COL23A1: variants seen among roughly 807,000 people sequenced by gnomAD.
COL23A1 encodes the protein collagen alpha-1(XXIII) chain.
COL23A1 carries 97 observed loss-of-function variants against 99.3 expected under a neutral mutation model. The observed-to-expected ratio is 0.98, with a 90% CI of 0.83 to 1.16. The LOEUF (loss-of-function observed/expected upper bound fraction) is 1.16, where lower values mean the gene tolerates loss of function less well. Among genes scored for constraint, COL23A1 ranks in the 50% most tolerant of loss-of-function variants. The pLI, the probability that COL23A1 is intolerant of heterozygous loss-of-function variation, is 0.00. For synonymous variants in COL23A1, 320 were observed against 308.2 expected, an observed-to-expected ratio of 1.04 and a Z score of -0.40; for missense variants, 762 against 757.4, an observed-to-expected ratio of 1.01 and a Z score of -0.07.
intron 5 of COL23A1, among the ~76,000 whole-genome samples, chr5:178,278,149 G>A (rs944165171): frequency 1.3e-5 from 2 of 152,230 alleles, no homozygotes; most frequent in African/African-American, 4.8e-5. Context: ...CCACGAGGCA[G>A]TCTAGAGGGA....
rs555426586 is a variant in COL23A1, at chr5:178,403,933, C to T, written c.362-97014G>A. Reference sequence around the variant, plus strand: ...GAAGCCACAGGCTTGTCCAGCTTCTCGTAACAAAAGCCTCAAAAGAATGAC... The same window carrying T: ...GAAGCCACAGGCTTGTCCAGCTTCTTGTAACAAAAGCCTCAAAAGAATGAC... On this transcript the variant is annotated intron_variant, in intron 2 of 28. Transcript: ENST00000390654. Among the ~76,000 whole-genome samples the T allele has an allele frequency of 1.8e-4, 27 of 152,304 alleles. No homozygotes were observed. The East Asian group carries it at 4.3e-3, about 24-fold the overall frequency.
Position 178,455,235 on chromosome 5 carries a change from C to T in COL23A1, c.361+105447G>A, listed in dbSNP as rs922145983. ...ACTGAGCAGTCGCTGACTGGGTCAC[C>T]GATGAAGGCGTGAAAAGTCACGCAC... On this transcript the variant is annotated intron_variant, in intron 2 of 28. Transcript: ENST00000390654. Among the ~76,000 whole-genome samples, 14 of 152,328 alleles carry T rather than the reference C, an allele frequency of 9.2e-5. No individual in the cohort carries two copies. The East Asian group carries it at 1.5e-3, about 17-fold the overall frequency.
intron 2 of COL23A1, among the ~76,000 whole-genome samples, chr5:178,376,473 G>A (rs80010539): frequency 2.4e-4 from 36 of 152,304 alleles, no homozygotes; most frequent in African/African-American, 8.7e-4. Context: ...GCCTGGTGCT[G>A]GGGAGACCCC....
intron 4 of COL23A1, among the ~76,000 whole-genome samples, chr5:178,289,697 C>T (rs532734818): frequency 2.6e-5 from 4 of 152,280 alleles, no homozygotes; most frequent in South Asian, 2.1e-4. Context: ...TCAACTGTCA[C>T]GGAGCATTTT....
chr5:178,263,260 C>A lies in COL23A1; in HGVS notation c.587G>T (p.Gly196Val), dbSNP rs1765734343. The A allele has an allele frequency of 1.2e-6, 2 of 1,613,266 alleles. No homozygotes were observed. Among genetic ancestry groups the A allele is most frequent in the African/African-American group, 1.3e-5 (1 of 74,958 alleles). Residue 196 changes from glycine (G) to valine (V), a missense_variant, in exon 9 of 29, where the codon GGC (glycine) becomes GTC (valine). Gly to Val is a moderately radical substitution (Grantham distance 109). Transcript: ENST00000390654. ...ATCTTTCCCAGTGTCGCCAGGAGGGCCCCGGGCCCCAGGAGGTCCAGGGGG... is the reference window on the plus strand; with the variant it reads ...ATCTTTCCCAGTGTCGCCAGGAGGGACCCGGGCCCCAGGAGGTCCAGGGGG... ...PGPPGPPGARGPPGDTGKDGP... is the reference protein window; with the variant it reads ...PGPPGPPGARVPPGDTGKDGP...
chr5:178,312,434 T>C (rs934424474), intron 2 of COL23A1, among the ~76,000 whole-genome samples: 1 of 152,072 alleles, frequency 6.6e-6, no homozygotes, highest in Non-Finnish European at 1.5e-5. Flanking sequence ...AAGGAAACCA[T>C]TTCTAACTCA....
intron 1 of COL23A1, among the ~76,000 whole-genome samples, chr5:178,581,674 A>G (rs1017887389): frequency 2.0e-5 from 3 of 152,178 alleles, no homozygotes; most frequent in African/African-American, 7.2e-5. Flanking sequence ...TTTCCCCTCA[A>G]AACCACTGAC....
intron 2 of COL23A1, among the ~76,000 whole-genome samples, chr5:178,354,110 C>T (rs1366510344): frequency 6.6e-6 from 1 of 152,048 alleles, no homozygotes; most frequent in African/African-American, 2.4e-5. Flanking sequence ...GGGACTTTTC[C>T]CACTGGATAC....
At position 178,247,767 on chromosome 5, in the gene COL23A1, G is replaced by A. The variant is rs760974141; in HGVS notation, c.1269+8C>T. 6.6e-5 allele frequency: 106 copies of A among 1,612,882 alleles called. No homozygotes were observed. Among genetic ancestry groups the A allele is most frequent in the African/African-American group, 3.1e-4 (23 of 74,906 alleles). On this transcript the variant is annotated splice_region_variant and intron_variant, in intron 21 of 28. Transcript: ENST00000390654. ...GCTTCAAACCAAACCAAAGCAAACC[G>A]TCCTTACCATCGGGCCTGGGGGGCC...
intron 2 of COL23A1, among the ~76,000 whole-genome samples, chr5:178,440,306 C>G (rs906390317): frequency 6.6e-6 from 1 of 152,188 alleles, no homozygotes; most frequent in African/African-American, 2.4e-5. Flanking sequence ...CCCCGTGGAA[C>G]TCTCTCCAGG....
At chr5:178,265,196 A>G (rs1251645711) in intron 8 of COL23A1, among the ~76,000 whole-genome samples, 1 of 152,170 alleles carries the variant, frequency 6.6e-6, no homozygotes, top group African/African-American at 2.4e-5. Context: ...TGCTTTCCCA[A>G]TTAAAAAATC....
intron 2 of COL23A1, among the ~76,000 whole-genome samples, chr5:178,353,135 G>C (rs186021750): frequency 6.6e-6 from 1 of 152,190 alleles, no homozygotes; most frequent in East Asian, 1.9e-4. Flanking sequence ...AATAGAAAAA[G>C]ACTGGAAACA....
chr5:178,502,509 G>A (rs190962792), intron 2 of COL23A1, among the ~76,000 whole-genome samples: 1 of 152,148 alleles, frequency 6.6e-6, no homozygotes, highest in Non-Finnish European at 1.5e-5. Context: ...GATCCTCAGT[G>A]TCCTTAGTAA....
Position 178,242,341 on chromosome 5 carries a change from C to T in COL23A1, c.1494G>A (p.Lys498=). The T allele has an allele frequency of 1.2e-6, 2 of 1,613,942 alleles. No homozygotes were observed. Among genetic ancestry groups the T allele is most frequent in the Non-Finnish European group, 1.7e-6 (2 of 1,179,922 alleles). ...EKGDRSERGE[K]GERGVPGRKG... is the part of the protein sequence containing the mutation. Reference sequence around the variant, plus strand: ...CCAGCTCCCGTCCAGCTGCCCTCACCTTCTCTCCACGCTCGCTCCGATCAC... The same window carrying T: ...CCAGCTCCCGTCCAGCTGCCCTCACTTTCTCTCCACGCTCGCTCCGATCAC... Residue 498 remains lysine (K), a splice_region_variant and synonymous_variant, in exon 26 of 29, where the codon AAG becomes AAA. Coordinates refer to ENST00000390654, the MANE Select transcript of COL23A1 (RefSeq NM_173465.4).
intron 2 of COL23A1, among the ~76,000 whole-genome samples, chr5:178,503,882 A>G (rs1189735067): frequency 6.6e-6 from 1 of 152,142 alleles, no homozygotes; most frequent in Admixed American, 6.5e-5. Flanking sequence ...CGGAGCGGGC[A>G]GAGCCCTGGG....
At chr5:178,250,778 T>C (rs1289433772) in intron 17 of COL23A1, among the ~76,000 whole-genome samples, 1 of 122,048 alleles carries the variant, frequency 8.2e-6, no homozygotes, top group Admixed American at 8.7e-5. Flanking sequence ...AGGTCAGGAG[T>C]TTGAGACAGC....
chr5:178,256,304 G>T, intron 15 of COL23A1, 49 bp downstream of exon 15: 1 of 1,432,922 alleles, frequency 7.0e-7, no homozygotes, highest in Non-Finnish European at 9.3e-7. Flanking sequence ...GAAGCTATGG[G>T]GCCCCTAGAT....
At chr5:178,285,924 G>A (rs1757125310) in intron 5 of COL23A1, among the ~76,000 whole-genome samples, 1 of 152,258 alleles carries the variant, frequency 6.6e-6, no homozygotes, top group Admixed American at 6.5e-5. Flanking sequence ...CCTCGAATGG[G>A]GAAGCTGAGC....
intron 2 of COL23A1, among the ~76,000 whole-genome samples, chr5:178,513,516 G>C (rs111884967): frequency 6.6e-6 from 1 of 152,142 alleles, no homozygotes; most frequent in African/African-American, 2.4e-5. Flanking sequence ...TAAAATCAAG[G>C]TGTAGGCAGG....
Sources: allele counts gnomAD v4.1 joint callset (sites outside exome capture counted in the v4.1 genomes callset), GRCh38; gene constraint gnomAD v4.1.1; transcripts MANE v1.5; gene names NCBI Gene and HGNC (gene_info 2026-07-23, HGNC 2026-07-21).